ADAMTS19: variants seen among roughly 807,000 people sequenced by gnomAD.
The protein encoded by ADAMTS19 is ADAM metallopeptidase with thrombospondin type 1 motif 19.
A neutral mutation model predicts 153.3 loss-of-function variants in ADAMTS19; 93 were observed. That is an observed-to-expected ratio of 0.61 (90% CI 0.51 to 0.72). The LOEUF (loss-of-function observed/expected upper bound fraction) is 0.72. Among genes scored for constraint, ADAMTS19 ranks in the 30% least tolerant of loss-of-function variants. The probability of loss-of-function intolerance (pLI) is 0.00; values close to 1 mark genes in which losing one functional copy is unlikely to be tolerated. For synonymous variants in ADAMTS19, 600 were observed against 556.6 expected (o/e 1.08, Z -1.10); for missense variants, 1,482 against 1,552.1 (o/e 0.95, Z 0.76).
intron 7 of ADAMTS19, among the ~76,000 whole-genome samples, chr5:129,552,261 T>A (rs544430132): frequency 4.0e-5 from 6 of 151,824 alleles, no homozygotes; most frequent in Admixed American, 3.9e-4. Flanking sequence ...GATAACAGAT[T>A]ATTTTTTGAG....
intron 7 of ADAMTS19, among the ~76,000 whole-genome samples, chr5:129,591,479 G>C (rs1750131166): frequency 6.6e-6 from 1 of 151,830 alleles, no homozygotes; most frequent in Non-Finnish European, 1.5e-5. Flanking sequence ...TTTTAGTAGA[G>C]ATGGAGTTTC....
chr5:129,535,633 G>T (rs998257393), intron 6 of ADAMTS19, among the ~76,000 whole-genome samples: 1 of 152,166 alleles, frequency 6.6e-6, no homozygotes, highest in Non-Finnish European at 1.5e-5. Context: ...AACAAAGCTG[G>T]AGGCATCACG....
intron 10 of ADAMTS19, among the ~76,000 whole-genome samples, chr5:129,636,982 A>C (rs992169312): frequency 6.6e-6 from 1 of 152,158 alleles, no homozygotes; most frequent in African/African-American, 2.4e-5. Context: ...TAACCTTCAA[A>C]CCTGAATAAA....
At chr5:129,692,852 G>A (rs1755394765) in intron 18 of ADAMTS19, among the ~76,000 whole-genome samples, 1 of 152,188 alleles carries the variant, frequency 6.6e-6, no homozygotes, top group South Asian at 2.1e-4. Flanking sequence ...GAATGCCATA[G>A]GGTACTGGTA....
chr5:129,684,383 A>C, intron 18 of ADAMTS19, 110 bp downstream of exon 18: 2 of 1,376,644 alleles, frequency 1.5e-6, no homozygotes, highest in East Asian at 2.5e-5. Flanking sequence ...AAAATCCATA[A>C]AGAGTTAGAA....
At chr5:129,521,399 A>G (rs1293428128) in intron 3 of ADAMTS19, among the ~76,000 whole-genome samples, 1 of 152,166 alleles carries the variant, frequency 6.6e-6, no homozygotes, top group Non-Finnish European at 1.5e-5. Context: ...AACATATTTC[A>G]CATTTAATAT....
rs540127700 is a variant in ADAMTS19 at position 129,494,218 on chromosome 5, T to C, written c.748-14859T>C. 3.3e-5 allele frequency among the ~76,000 whole-genome samples: 5 copies of C among 152,248 alleles called. No homozygotes were observed. In the South Asian group the frequency reaches 1.0e-3, roughly 32 times the overall value. ...AATATCTATATTTCAAAATACTTAA[T>C]TATGAAGGATAGAGGCTATGGAGCT... On this transcript the variant is annotated intron_variant, in intron 2 of 22. Coordinates refer to ENST00000274487, the MANE Select transcript of ADAMTS19 (RefSeq NM_133638.6).
intron 3 of ADAMTS19, among the ~76,000 whole-genome samples, chr5:129,520,105 A>G (rs1751746118): frequency 6.6e-6 from 1 of 152,120 alleles, no homozygotes; most frequent in Non-Finnish European, 1.5e-5. Context: ...GCATATTTAG[A>G]GAAACATCTG....
At chr5:129,707,435 G>A (rs376314354) in intron 21 of ADAMTS19, among the ~76,000 whole-genome samples, 88 of 152,124 alleles carry the variant, frequency 5.8e-4, no homozygotes, top group African/African-American at 2.0e-3. Flanking sequence ...TCATTATAAC[G>A]ATCTCAGCAT....
At chr5:129,675,201 G>A (rs1192766938) in intron 16 of ADAMTS19, among the ~76,000 whole-genome samples, 1 of 152,086 alleles carries the variant, frequency 6.6e-6, no homozygotes, top group African/African-American at 2.4e-5. Context: ...TTGGATTCCA[G>A]CAGTTTGATT....
intron 10 of ADAMTS19, among the ~76,000 whole-genome samples, chr5:129,624,498 G>A (rs1581159350): frequency 6.6e-6 from 1 of 152,250 alleles, no homozygotes; most frequent in East Asian, 1.9e-4. Context: ...CAACAAAATA[G>A]GCTCTTTGTG....
chr5:129,694,697 CTTTG>C lies in ADAMTS19; in HGVS notation c.2819-19_2819-16del, dbSNP rs771951673. ...TACATAAAGGCTTATAATAATATTTCTTTGTTTATTTGTTCTTTTCAGGAGAAAG... is the reference window on the plus strand; with the variant it reads ...TACATAAAGGCTTATAATAATATTTCTTTATTTGTTCTTTTCAGGAGAAAG... On this transcript the variant is annotated intron_variant, in intron 18 of 22. Coordinates refer to ENST00000274487, the MANE Select transcript of ADAMTS19 (RefSeq NM_133638.6). The C allele has an allele frequency of 4.6e-6, 7 of 1,512,928 alleles. No individual in the cohort carries two copies. Among genetic ancestry groups the C allele is most frequent in the South Asian group, 4.2e-5 (3 of 71,548 alleles). 93.7% of individuals were successfully genotyped at this position (1,512,928 alleles called of 1,614,324 possible).
At chr5:129,471,887 A>G (rs1031836535) in intron 2 of ADAMTS19, among the ~76,000 whole-genome samples, 23 of 152,182 alleles carry the variant, frequency 1.5e-4, no homozygotes, top group African/African-American at 5.3e-4. Flanking sequence ...ACATGATATC[A>G]TTCTTTTAGG....
At chr5:129,701,877 G>A (rs1332832161) in intron 20 of ADAMTS19, among the ~76,000 whole-genome samples, 1 of 151,880 alleles carries the variant, frequency 6.6e-6, no homozygotes, top group East Asian at 1.9e-4. Flanking sequence ...TCTTGAGTTG[G>A]CACACATTAA....
At chr5:129,520,053 G>A (rs745732579) in intron 3 of ADAMTS19, among the ~76,000 whole-genome samples, 1 of 152,102 alleles carries the variant, frequency 6.6e-6, no homozygotes, top group Non-Finnish European at 1.5e-5. Flanking sequence ...GGACCCAAGA[G>A]AATCAGCATT....
At chr5:129,488,404 G>A (rs1239986285) in intron 2 of ADAMTS19, among the ~76,000 whole-genome samples, 1 of 151,904 alleles carries the variant, frequency 6.6e-6, no homozygotes, top group Non-Finnish European at 1.5e-5. Context: ...TATATTTGCC[G>A]ACACATCAGC....
chr5:129,625,421 C>G (rs1751986745), intron 10 of ADAMTS19, among the ~76,000 whole-genome samples: 1 of 152,160 alleles, frequency 6.6e-6, no homozygotes, highest in Non-Finnish European at 1.5e-5. Flanking sequence ...CACTGTCTTC[C>G]ACAGTGGTTG....
At chr5:129,463,900 A>G (rs1749771538) in intron 2 of ADAMTS19, among the ~76,000 whole-genome samples, 4 of 152,250 alleles carry the variant, frequency 2.6e-5, no homozygotes, top group Admixed American at 1.3e-4. Context: ...AGAGAAAGAT[A>G]TCACCTGTAA....
chr5:129,601,506 G>A (rs1750648153), intron 8 of ADAMTS19, among the ~76,000 whole-genome samples: 1 of 152,052 alleles, frequency 6.6e-6, no homozygotes, highest in African/African-American at 2.4e-5. Context: ...GAGGGAAGAG[G>A]CCCTAAGACT....
Sources: gnomAD v4.1 joint callset for allele counts (sites outside exome capture counted in the v4.1 genomes callset) on GRCh38, gnomAD v4.1.1 for gene constraint, MANE v1.5 for transcripts, NCBI Gene and HGNC (gene_info 2026-07-23, HGNC 2026-07-21) for gene names.